The following ST3GAL3 variants were observed in gnomAD, a reference collection of about 807,000 sequenced individuals.
The protein encoded by ST3GAL3 is ST3 beta-galactoside alpha-2,3-sialyltransferase 3, also known as CMP-N-acetylneuraminate-beta-1,4-galactoside alpha-2,3-sialyltransferase.
In ST3GAL3, 21 loss-of-function variants were observed where a neutral mutation model predicts 50.1. That is an observed-to-expected ratio of 0.42 (90% confidence interval 0.30 to 0.60). ST3GAL3 has a LOEUF of 0.60. Ranked by LOEUF, ST3GAL3 falls within the 20% of genes least tolerant of loss-of-function variation. The probability of loss-of-function intolerance (pLI) is 0.19; values close to 1 mark genes in which losing one functional copy is unlikely to be tolerated. For missense variants in ST3GAL3, 353 were observed against 489.4 expected, an observed-to-expected ratio of 0.72 and a Z score of 2.63; for synonymous variants, 183 against 190.0, an observed-to-expected ratio of 0.96 and a Z score of 0.30.
intron 2 of ST3GAL3, among the ~76,000 whole-genome samples, chr1:43,783,381 C>A (rs887810520): frequency 6.6e-6 from 1 of 152,146 alleles, no homozygotes; most frequent in Non-Finnish European, 1.5e-5. Context: ...CATGCCTTTA[C>A]CCCCTTGTCC....
chr1:43,899,849 C>A lies in ST3GAL3; in HGVS notation c.744+122C>A. On this transcript the variant is annotated intron_variant, in intron 9 of 11. Transcript: ENST00000347631. This position sits in a 1 kb window ranked among gnomAD's most constrained non-coding sequence, Gnocchi z 5.4. ...AACCTTCAAAGGAAACATTAATGAC[C>A]CAAAGCCGAAATCACCCAATGGCAA... 1 of 1,072,966 alleles carries A rather than the reference C, an allele frequency of 9.3e-7. No homozygotes were observed. The highest frequency in any genetic ancestry group is 1.3e-5 in the South Asian group (1 of 74,502). The allele number at this position is 1,072,966 out of a possible 1,614,324, so 66.5% of individuals were successfully genotyped here.
At chr1:43,722,936 A>G (rs1359929124) in intron 1 of ST3GAL3, among the ~76,000 whole-genome samples, 3 of 152,206 alleles carry the variant, frequency 2.0e-5, no homozygotes, top group African/African-American at 7.2e-5. Flanking sequence ...TGTTCTCTCC[A>G]AATTTAATGT....
In ST3GAL3 at chr1:43,787,830, G is replaced by A. The variant is rs560956684; in HGVS notation, c.119-4272G>A. ...GCCACTTGATAATATTTGTGAGAAG[G>A]AGGGAGAAGTAAAGAAGGGCGAGGA... On this transcript the variant is annotated intron_variant, in intron 2 of 11. Transcript: ENST00000347631. 2.6e-5 allele frequency among the ~76,000 whole-genome samples: 4 copies of A among 152,334 alleles called. No homozygotes were observed. The South Asian group carries it at 8.3e-4, about 32-fold the overall frequency.
At chr1:43,784,793 G>T (rs1281212067) in intron 2 of ST3GAL3, among the ~76,000 whole-genome samples, 1 of 152,172 alleles carries the variant, frequency 6.6e-6, no homozygotes, top group African/African-American at 2.4e-5. Context: ...TTGTTGTACA[G>T]AAATTGTTTC....
At chr1:43,743,480 A>G (rs935280997) in intron 2 of ST3GAL3, 6 of 413,274 alleles carry the variant, frequency 1.5e-5, no homozygotes, top group Admixed American at 5.3e-5. Flanking sequence ...AGCAACGATC[A>G]TACTAATTTG....
At chr1:43,917,483 ATATATAATATATATAATATAT>A (rs1308703119) in intron 9 of ST3GAL3, among the ~76,000 whole-genome samples, 19 of 89,618 alleles carry the variant, frequency 2.1e-4, no homozygotes, top group South Asian at 7.8e-4. Context: ...AATATATATA[ATATATAATATATATAATATAT>A]TATATAATAT....
intron 2 of ST3GAL3, among the ~76,000 whole-genome samples, chr1:43,773,657 AT>A (rs2154135122): frequency 6.6e-6 from 1 of 152,334 alleles, no homozygotes; most frequent in African/African-American, 2.4e-5. Context: ...ATTTCCTCAA[AT>A]ATCTCAGTTT....
intron 4 of ST3GAL3, among the ~76,000 whole-genome samples, chr1:43,825,342 A>G (rs896363646): frequency 3.9e-5 from 6 of 152,282 alleles, no homozygotes; most frequent in African/African-American, 1.2e-4. Context: ...TCGAACTTTC[A>G]TTATGGGCTA....
chr1:43,836,970 G>A (rs1372662519), intron 4 of ST3GAL3, among the ~76,000 whole-genome samples: 1 of 26,236 alleles, frequency 3.8e-5, no homozygotes, highest in South Asian at 5.5e-4. Context: ...CAGCCTTGTG[G>A]GTTCCTTGAG....
chr1:43,917,603 T>TA (rs1491234536), intron 9 of ST3GAL3, among the ~76,000 whole-genome samples: 749 of 15,932 alleles, frequency 0.047, 17 homozygotes, highest in African/African-American at 0.085. Flanking sequence ...AATATATATA[T>TA]TATATATTAT....
At chr1:43,850,348 C>T (rs2067055523) in intron 5 of ST3GAL3, 2 of 587,720 alleles carry the variant, frequency 3.4e-6, no homozygotes, top group East Asian at 1.1e-4. Context: ...CTCTCAACCT[C>T]CTCCTGGAGA....
chr1:43,879,904 C>T (rs779388517), intron 5 of ST3GAL3, among the ~76,000 whole-genome samples: 53 of 152,354 alleles, frequency 3.5e-4, no homozygotes, highest in Non-Finnish European at 6.5e-4. Flanking sequence ...TTGGATCCAT[C>T]TGACTTTTCC....
At chr1:43,828,316 A>T (rs923528616) in intron 4 of ST3GAL3, among the ~76,000 whole-genome samples, 8 of 152,270 alleles carry the variant, frequency 5.3e-5, no homozygotes, top group African/African-American at 1.4e-4. Context: ...GGTAACATAG[A>T]AAATTTATGT....
chr1:43,877,330 G>A (rs1048828226), intron 5 of ST3GAL3, among the ~76,000 whole-genome samples: 1 of 152,172 alleles, frequency 6.6e-6, no homozygotes, highest in Non-Finnish European at 1.5e-5. Flanking sequence ...ATGTCATCTA[G>A]CCACGTGGGT....
chr1:43,858,155 G>A, intron 5 of ST3GAL3: 1 of 1,289,388 alleles, frequency 7.8e-7, no homozygotes, highest in African/African-American at 1.5e-5. Flanking sequence ...AATGGTGCAT[G>A]GAGACAAAAA....
intron 2 of ST3GAL3, among the ~76,000 whole-genome samples, chr1:43,789,388 A>G (rs1463155483): frequency 6.6e-6 from 1 of 152,090 alleles, no homozygotes; most frequent in Non-Finnish European, 1.5e-5. Flanking sequence ...AGTGATGAGA[A>G]TGTTCTAAAT....
At chr1:43,886,300 G>A (rs571224200) in intron 5 of ST3GAL3, among the ~76,000 whole-genome samples, 23 of 152,316 alleles carry the variant, frequency 1.5e-4, no homozygotes, top group Non-Finnish European at 2.6e-4. Flanking sequence ...AGAATCGCTT[G>A]AACCTGGGAG....
At chr1:43,913,119 G>A (rs570056710) in intron 9 of ST3GAL3, 1 of 152,260 alleles carries the variant, frequency 6.6e-6, no homozygotes, top group East Asian at 1.9e-4. Context: ...CCGGGAGCCA[G>A]GGGGAAAGGC....
intron 2 of ST3GAL3, among the ~76,000 whole-genome samples, chr1:43,777,410 G>A (rs1697681869): frequency 6.6e-6 from 1 of 152,128 alleles, no homozygotes; most frequent in East Asian, 1.9e-4. Context: ...AAACAGCTTG[G>A]TACTGGTACA....
Sources: gnomAD v4.1 joint callset for allele counts (sites outside exome capture counted in the v4.1 genomes callset) on GRCh38, gnomAD v4.1.1 for gene constraint, Gnocchi (gnomAD v3.1) non-coding constraint, MANE v1.5 for transcripts, NCBI Gene and HGNC (gene_info 2026-07-23, HGNC 2026-07-21) for gene names.